The following AFF2 variants were observed in gnomAD, a reference collection of about 807,000 sequenced individuals.
The protein encoded by AFF2 is ALF transcription elongation factor 2.
In AFF2, 14 loss-of-function variants were observed where a neutral mutation model predicts 76.9. The observed-to-expected ratio is 0.18, with a 90% CI of 0.12 to 0.28. AFF2 has a LOEUF of 0.28. AFF2 is among the 10% of genes least tolerant of loss of function. AFF2 has a pLI of 1.00. For synonymous variants in AFF2, 398 were observed against 366.7 expected (o/e 1.09, Z -0.98); for missense variants, 868 against 1,001.1 (o/e 0.87, Z 1.79).
intron 1 of AFF2, among the ~76,000 whole-genome samples, chrX:148,560,407 T>C (rs892739200): frequency 8.9e-5 from 10 of 112,034 alleles, no homozygotes; most frequent in Non-Finnish European, 1.5e-4. Context: ...GACTTAAACG[T>C]AAGACCTAAA....
At chrX:148,597,006 A>G (rs1485824380) in intron 1 of AFF2, among the ~76,000 whole-genome samples, 1 of 111,731 alleles carries the variant, frequency 9.0e-6, no homozygotes, top group African/African-American at 3.3e-5. Flanking sequence ...TACTATAGCT[A>G]GGCTCTCTAC....
chrX:148,872,818 G>T (rs1557277497), intron 7 of AFF2, among the ~76,000 whole-genome samples: 1 of 111,556 alleles, frequency 9.0e-6, no homozygotes, highest in African/African-American at 3.3e-5. Context: ...GGTCTCTTGG[G>T]TCTCTTCTTA....
chrX:148,853,309 G>A (rs2070752743), intron 7 of AFF2, among the ~76,000 whole-genome samples: 1 of 111,258 alleles, frequency 9.0e-6, no homozygotes. Context: ...GGAGACAGGG[G>A]AGGGAGCCAT....
chrX:148,542,361 A>G (rs951809613), intron 1 of AFF2, among the ~76,000 whole-genome samples: 21 of 109,499 alleles, frequency 1.9e-4, no homozygotes, highest in African/African-American at 7.0e-4. Context: ...TGAAAGGGAT[A>G]GTGAGGTCAA....
At chrX:148,503,157 C>T (rs1269839609) in intron 1 of AFF2, among the ~76,000 whole-genome samples, 4 of 112,294 alleles carry the variant, frequency 3.6e-5, no homozygotes, top group Admixed American at 2.8e-4. Flanking sequence ...CTTCTTACTG[C>T]TCGTGAGTGG....
intron 7 of AFF2, among the ~76,000 whole-genome samples, chrX:148,853,562 T>C (rs1458407300): frequency 1.8e-5 from 2 of 112,178 alleles, no homozygotes; most frequent in Non-Finnish European, 3.8e-5. Flanking sequence ...CTTTCCATGT[T>C]AGAAGTGAGG....
At chrX:148,652,640 T>C (rs782003651) in intron 2 of AFF2, among the ~76,000 whole-genome samples, 1 of 111,883 alleles carries the variant, frequency 8.9e-6, no homozygotes, top group African/African-American at 3.2e-5. Flanking sequence ...TTTTTCCTGG[T>C]GGTTAATAAT....
chrX:148,790,211 C>T (rs781987830), intron 3 of AFF2, among the ~76,000 whole-genome samples: 19 of 111,445 alleles, frequency 1.7e-4, no homozygotes, highest in African/African-American at 2.9e-4. Flanking sequence ...GAAATTAGAA[C>T]GCTTTAATAC....
rs781946614 is a variant in AFF2 at position 148,695,280 on chromosome X, A to G, written c.1041+32512A>G. On this transcript the variant is annotated intron_variant, in intron 3 of 20. Transcript: ENST00000370460. ...GGCCCCATCTGGTGACAGAGAGACT[A>G]TGCATTTGGATGTTGCTGACACCTG... Among the ~76,000 whole-genome samples the G allele has an allele frequency of 2.7e-5, 3 of 112,186 alleles. 1 individual carries two copies. The South Asian group carries it at 1.1e-3, about 42-fold the overall frequency.
Position 148,687,254 on chromosome X carries a change from TAAAAC to T in AFF2, c.1041+24489_1041+24493del, listed in dbSNP as rs782285362. Reference sequence around the variant, plus strand: ...ATTATCAGGTTTCATTTTCAACTATTAAAACAATCTTGCCAAGAACTTATTTTTAA... The same window carrying T: ...ATTATCAGGTTTCATTTTCAACTATTAATCTTGCCAAGAACTTATTTTTAA... On this transcript the variant is annotated intron_variant, in intron 3 of 20. Coordinates refer to ENST00000370460, the MANE Select transcript of AFF2 (RefSeq NM_002025.4). 2.5e-3 allele frequency among the ~76,000 whole-genome samples: 276 copies of T among 112,409 alleles called. 2 individuals are homozygous for T. Among genetic ancestry groups the T allele is most frequent in the African/African-American group, 8.5e-3 (262 of 30,994 alleles).
At chrX:148,837,803 C>T in intron 5 of AFF2, 70 bp downstream of exon 5, 1 of 765,254 alleles carries the variant, frequency 1.3e-6, no homozygotes, top group South Asian at 2.4e-5. Flanking sequence ...ACTGGATTCT[C>T]AGTGGCAAAA....
chrX:148,919,207 G>T (rs2071564813), intron 9 of AFF2, among the ~76,000 whole-genome samples: 1 of 111,509 alleles, frequency 9.0e-6, no homozygotes, highest in African/African-American at 3.3e-5. Context: ...TTTAACTACT[G>T]ATATAGGTGG....
At chrX:148,580,755 A>G (rs1165430059) in intron 1 of AFF2, among the ~76,000 whole-genome samples, 1 of 108,847 alleles carries the variant, frequency 9.2e-6, no homozygotes, top group Non-Finnish European at 1.9e-5. Context: ...GTATATATAT[A>G]TGTGTGTGTA....
chrX:148,565,289 TTTTA>T (rs1459176341), intron 1 of AFF2, among the ~76,000 whole-genome samples: 10 of 111,639 alleles, frequency 9.0e-5, no homozygotes, highest in Non-Finnish European at 7.5e-5. Context: ...TTCCCCTGTA[TTTTA>T]TTTTTCTTAG....
intron 1 of AFF2, among the ~76,000 whole-genome samples, chrX:148,575,242 A>G (rs2124334031): frequency 9.0e-6 from 1 of 111,173 alleles, no homozygotes; most frequent in Non-Finnish European, 1.9e-5. Flanking sequence ...AAGGTTGTTT[A>G]TTTGTGGGGT....
At chrX:148,712,447 G>A (rs2054978717) in intron 3 of AFF2, among the ~76,000 whole-genome samples, 3 of 111,732 alleles carry the variant, frequency 2.7e-5, no homozygotes. Flanking sequence ...ACTTTTCCTA[G>A]GGAAAAGAAC....
chrX:148,988,697 C>T (rs984581491), intron 20 of AFF2, among the ~76,000 whole-genome samples: 2 of 112,009 alleles, frequency 1.8e-5, no homozygotes, highest in African/African-American at 6.5e-5. Context: ...GATTTTGTGG[C>T]TCACAAAGCA....
At chrX:148,969,764 T>TG (rs201935120) in intron 15 of AFF2, among the ~76,000 whole-genome samples, 8 of 109,981 alleles carry the variant, frequency 7.3e-5, no homozygotes, top group African/African-American at 9.9e-5. Flanking sequence ...TTGGTGGTGG[T>TG]GGGGGGGTGA....
At chrX:148,625,412 C>T (rs2053914697) in intron 1 of AFF2, among the ~76,000 whole-genome samples, 1 of 111,018 alleles carries the variant, frequency 9.0e-6, no homozygotes, top group South Asian at 3.8e-4. Flanking sequence ...CCCGCCAAAG[C>T]AAAGGTCAGT....
Sources: gnomAD v4.1 joint callset for allele counts (sites outside exome capture counted in the v4.1 genomes callset) on GRCh38, gnomAD v4.1.1 for gene constraint, MANE v1.5 for transcripts, NCBI Gene and HGNC (gene_info 2026-07-23, HGNC 2026-07-21) for gene names.